The following SFSWAP variants were observed in gnomAD, a reference collection of about 807,000 sequenced individuals.
The protein encoded by SFSWAP is splicing factor SWAP, also known as splicing factor, suppressor of white-apricot homolog.
A neutral mutation model predicts 100.7 loss-of-function variants in SFSWAP; 17 were observed. That is an observed-to-expected ratio of 0.17 (90% CI 0.12 to 0.25). The LOEUF (loss-of-function observed/expected upper bound fraction) is 0.25. Ranked by LOEUF, SFSWAP falls within the 10% of genes least tolerant of loss-of-function variation. The pLI is 1.00. For missense variants in SFSWAP, 1,005 were observed against 1,262.6 expected, an observed-to-expected ratio of 0.80 and a Z score of 3.09; for synonymous variants, 504 against 510.1, an observed-to-expected ratio of 0.99 and a Z score of 0.16.
intron 11 of SFSWAP, among the ~76,000 whole-genome samples, chr12:131,764,156 T>C (rs965198986): frequency 6.6e-6 from 1 of 152,138 alleles, no homozygotes. Context: ...ATGACAAGAA[T>C]TGGCCATTTA....
intron 14 of SFSWAP, chr12:131,785,072 G>A: frequency 5.2e-6 from 8 of 1,533,496 alleles, no homozygotes; most frequent in Non-Finnish European, 7.0e-6. Context: ...CCGTGTCACA[G>A]AGTCACAGCC....
At position 131,725,669 on chromosome 12, in the gene SFSWAP, C is replaced by T. The variant is rs1478992176; in HGVS notation, c.832+39C>T. On this transcript the variant is annotated intron_variant, in intron 5 of 17. Coordinates refer to ENST00000261674, the MANE Select transcript of SFSWAP (RefSeq NM_004592.4). This position sits in a 1 kb window ranked among gnomAD's most constrained non-coding sequence, Gnocchi z 4.3. Reference sequence around the variant, plus strand: ...CGTCTGTTCCGTCCAGACTTTGGGCCTGTGTTGTGGGGGCGGCAGGCTGGG... The same window carrying T: ...CGTCTGTTCCGTCCAGACTTTGGGCTTGTGTTGTGGGGGCGGCAGGCTGGG... 6.6e-7 allele frequency: 1 copy of T among 1,517,572 alleles called. No homozygotes were observed. The allele number at this position is 1,517,572 out of a possible 1,614,324, so 94.0% of individuals were successfully genotyped here.
At chr12:131,765,042 A>G (rs138108858) in intron 12 of SFSWAP, among the ~76,000 whole-genome samples, 1 of 152,290 alleles carries the variant, frequency 6.6e-6, no homozygotes, top group East Asian at 1.9e-4. Flanking sequence ...TCAGGAACCA[A>G]ACTAGGAGAT....
rs980243218 is a variant in SFSWAP, at chr12:131,731,788, C to CA, written c.1081+3366dup. On this transcript the variant is annotated intron_variant, in intron 7 of 17. Coordinates refer to ENST00000261674, the MANE Select transcript of SFSWAP (RefSeq NM_004592.4). ...AAATAATAAACTGGAGAGAGCTGTG[C>CA]AAAAAATACTATGAGGCTCAGAGCT... Among the ~76,000 whole-genome samples the CA allele has an allele frequency of 3.3e-5, 5 of 150,626 alleles. No individual in the cohort carries two copies. In the East Asian group the frequency reaches 7.8e-4, roughly 24 times the overall value.
intron 7 of SFSWAP, among the ~76,000 whole-genome samples, chr12:131,739,962 C>T (rs368395736): frequency 5.9e-5 from 9 of 152,088 alleles, no homozygotes; most frequent in African/African-American, 2.2e-4. Context: ...TAAACAAGTA[C>T]GTTTTTACAA....
intron 15 of SFSWAP, among the ~76,000 whole-genome samples, chr12:131,789,854 G>C (rs529549114): frequency 2.6e-4 from 39 of 152,352 alleles, no homozygotes; most frequent in African/African-American, 9.1e-4. Context: ...AGGACACACA[G>C]AAGTGTCCAT....
intron 3 of SFSWAP, 56 bp downstream of exon 3, chr12:131,715,009 T>C: frequency 2.5e-6 from 4 of 1,594,218 alleles, no homozygotes; most frequent in Non-Finnish European, 2.6e-6. Context: ...ACGCACAGGC[T>C]GCATGCACCG....
chr12:131,781,871 A>T (rs764959748), intron 14 of SFSWAP, among the ~76,000 whole-genome samples: 6 of 152,254 alleles, frequency 3.9e-5, no homozygotes, highest in Non-Finnish European at 5.9e-5. Context: ...GTGCAAGCTT[A>T]TTATAAAATG....
At chr12:131,796,657 C>T (rs1422867623) in intron 15 of SFSWAP, 1 of 152,586 alleles carries the variant, frequency 6.6e-6, no homozygotes, top group Non-Finnish European at 1.5e-5. Flanking sequence ...AAGCTGCGCC[C>T]CCTAGTCTTA....
At chr12:131,746,594 C>G (rs572120713) in intron 7 of SFSWAP, among the ~76,000 whole-genome samples, 4 of 152,298 alleles carry the variant, frequency 2.6e-5, no homozygotes, top group Admixed American at 2.6e-4. Flanking sequence ...ATGTTTACTT[C>G]TGTATTTTGC....
chr12:131,769,786 C>A (rs1328903962), intron 13 of SFSWAP, among the ~76,000 whole-genome samples: 1 of 152,102 alleles, frequency 6.6e-6, no homozygotes, highest in Non-Finnish European at 1.5e-5. Flanking sequence ...GCCACCACGC[C>A]CGGCTAATTT....
At chr12:131,782,163 A>C (rs756855339) in intron 14 of SFSWAP, among the ~76,000 whole-genome samples, 6 of 152,216 alleles carry the variant, frequency 3.9e-5, no homozygotes, top group Non-Finnish European at 8.8e-5. Context: ...GAAGAAGAAG[A>C]AGCTGGTGGT....
chr12:131,745,107 T>C (rs1006178227), intron 7 of SFSWAP, among the ~76,000 whole-genome samples: 12 of 152,238 alleles, frequency 7.9e-5, no homozygotes, highest in African/African-American at 2.9e-4. Flanking sequence ...TGGAAAATAC[T>C]TGGACACAAT....
chr12:131,772,379 T>A (rs1468677109), intron 13 of SFSWAP, among the ~76,000 whole-genome samples: 2 of 152,250 alleles, frequency 1.3e-5, no homozygotes, highest in Non-Finnish European at 2.9e-5. Context: ...CATGGAAAGA[T>A]ATTGGCAGCA....
At chr12:131,761,566 C>T (rs756092878) in intron 11 of SFSWAP, among the ~76,000 whole-genome samples, 1 of 152,188 alleles carries the variant, frequency 6.6e-6, no homozygotes, top group African/African-American at 2.4e-5. Flanking sequence ...GCAGTGCAAA[C>T]GTGGAGCAGT....
In SFSWAP at chr12:131,792,225, T is replaced by G. The variant is rs1455474184; in HGVS notation, c.2535-4953T>G. ...CCCGTGTGTGTTCACGGATCATTACTGTGTGTGCGCCCGTGTGTGTTCACA... is the reference window on the plus strand; with the variant it reads ...CCCGTGTGTGTTCACGGATCATTACGGTGTGTGCGCCCGTGTGTGTTCACA... On this transcript the variant is annotated intron_variant, in intron 15 of 17. Coordinates refer to ENST00000261674, the MANE Select transcript of SFSWAP (RefSeq NM_004592.4). Among the ~76,000 whole-genome samples the G allele has an allele frequency of 3.3e-5, 5 of 151,662 alleles. No individual in the cohort carries two copies. The Middle Eastern group carries it at 0.011, about 323-fold the overall frequency.
rs1040142117 is a variant in SFSWAP, at chr12:131,753,042, A to C, written c.1082-81A>C. ...GGCAAGGCTGCATCTTGCCGGGGGAAGGGCTCTTGTGGCTGCATTGTGGAC... is the reference window on the plus strand; with the variant it reads ...GGCAAGGCTGCATCTTGCCGGGGGACGGGCTCTTGTGGCTGCATTGTGGAC... On this transcript the variant is annotated intron_variant, in intron 7 of 17. Coordinates refer to ENST00000261674, the MANE Select transcript of SFSWAP (RefSeq NM_004592.4). The C allele has an allele frequency of 3.8e-6, 6 of 1,569,892 alleles. No individual in the cohort carries two copies. The African/African-American group carries it at 6.7e-5, about 18-fold the overall frequency.
chr12:131,758,533 A>G (rs1882385451), intron 11 of SFSWAP, among the ~76,000 whole-genome samples: 3 of 152,218 alleles, frequency 2.0e-5, no homozygotes. Context: ...GCATATGGGC[A>G]TCTCTGAAAC....
intron 7 of SFSWAP, among the ~76,000 whole-genome samples, chr12:131,747,437 G>A (rs556892347): frequency 1.3e-5 from 2 of 152,342 alleles, no homozygotes; most frequent in East Asian, 3.9e-4. Flanking sequence ...TGGGGGATGG[G>A]ACAGCAATGG....
Sources: allele counts gnomAD v4.1 joint callset (sites outside exome capture counted in the v4.1 genomes callset), GRCh38; gene constraint gnomAD v4.1.1; non-coding constraint Gnocchi (gnomAD v3.1); transcripts MANE v1.5; gene names NCBI Gene and HGNC (gene_info 2026-07-23, HGNC 2026-07-21).